The following FMN1 variants were observed in gnomAD, a reference collection of about 807,000 sequenced individuals.
FMN1 encodes formin-1.
FMN1 carries 110 observed loss-of-function variants against 132.4 expected under a neutral mutation model. The ratio of observed to expected loss-of-function variants is 0.83; its 90% CI spans 0.71 to 0.97. The LOEUF (loss-of-function observed/expected upper bound fraction) is 0.97, where lower values mean the gene tolerates loss of function less well. Ranked by LOEUF, FMN1 falls within the 50% of genes least tolerant of loss-of-function variation. The pLI is 0.00. For missense variants in FMN1, 1,792 were observed against 1,705.3 expected, an observed-to-expected ratio of 1.05 and a Z score of -0.90; for synonymous variants, 722 against 651.7, an observed-to-expected ratio of 1.11 and a Z score of -1.64.
At chr15:33,019,233 C>T (rs891885871) in intron 6 of FMN1, among the ~76,000 whole-genome samples, 7 of 152,162 alleles carry the variant, frequency 4.6e-5, no homozygotes, top group Non-Finnish European at 1.0e-4. Flanking sequence ...TCTCCACCTC[C>T]CCACTAGATT....
At chr15:33,112,430 AG>A (rs1161544273) in intron 4 of FMN1, among the ~76,000 whole-genome samples, 5 of 152,172 alleles carry the variant, frequency 3.3e-5, no homozygotes, top group South Asian at 4.1e-4. Context: ...CTTTTAATTA[AG>A]AAAAGAGGAA....
intron 5 of FMN1, among the ~76,000 whole-genome samples, chr15:33,082,852 G>C (rs1362841781): frequency 4.0e-5 from 6 of 148,328 alleles, no homozygotes; most frequent in East Asian, 3.9e-4. Context: ...TAAAATATAG[G>C]ATACCCAGTT....
chr15:32,833,386 C>A (rs955482072), intron 17 of FMN1, among the ~76,000 whole-genome samples: 1 of 152,080 alleles, frequency 6.6e-6, no homozygotes, highest in Non-Finnish European at 1.5e-5. Flanking sequence ...GGGGTGTATC[C>A]TCTACTGATA....
In FMN1 at chr15:32,943,996, T is replaced by C. The variant is rs78268043; in HGVS notation, c.3139-17735A>G. 8.1e-3 allele frequency among the ~76,000 whole-genome samples: 1,237 copies of C among 152,224 alleles called. 14 individuals are homozygous for C. The highest frequency in any genetic ancestry group is 0.028 in the African/African-American group (1,177 of 41,532). On this transcript the variant is annotated intron_variant, in intron 9 of 20. Coordinates refer to ENST00000616417, the MANE Select transcript of FMN1 (RefSeq NM_001277313.2). ...TGGGGGAACCAACTGGCAGAATCCT[T>C]TTATAGCTGTGGCTATTCTAGTCCC...
At chr15:33,060,570 G>T (rs1422361172) in intron 6 of FMN1, among the ~76,000 whole-genome samples, 1 of 152,138 alleles carries the variant, frequency 6.6e-6, no homozygotes, top group South Asian at 2.1e-4. Context: ...CTGCTGGAGA[G>T]GCCACATGTC....
chr15:32,979,287 G>A (rs539992334), intron 7 of FMN1, among the ~76,000 whole-genome samples: 1 of 152,126 alleles, frequency 6.6e-6, no homozygotes. Flanking sequence ...CCGGCATGGT[G>A]GTTCACACCT....
chr15:32,922,895 C>A (rs916443549), intron 10 of FMN1, among the ~76,000 whole-genome samples: 1 of 152,018 alleles, frequency 6.6e-6, no homozygotes, highest in Non-Finnish European at 1.5e-5. Flanking sequence ...ATGCATATGC[C>A]GAAACAGAGT....
intron 17 of FMN1, among the ~76,000 whole-genome samples, chr15:32,834,540 T>C (rs986955209): frequency 1.3e-5 from 2 of 152,222 alleles, no homozygotes; most frequent in Non-Finnish European, 2.9e-5. Flanking sequence ...AGACTATTAA[T>C]AGTTCCTCCA....
chr15:32,984,908 G>A (rs773602171), intron 7 of FMN1, among the ~76,000 whole-genome samples: 5 of 143,426 alleles, frequency 3.5e-5, no homozygotes, highest in South Asian at 2.2e-4. Flanking sequence ...TTATTGATAC[G>A]TAGGTCTTCT....
At chr15:32,872,501 A>G (rs1238231927) in intron 16 of FMN1, among the ~76,000 whole-genome samples, 1 of 152,236 alleles carries the variant, frequency 6.6e-6, no homozygotes, top group African/African-American at 2.4e-5. Flanking sequence ...TTAAATACTA[A>G]ATATGTCCTC....
intron 11 of FMN1, among the ~76,000 whole-genome samples, chr15:32,909,394 C>T (rs915798844): frequency 1.1e-4 from 16 of 152,178 alleles, no homozygotes; most frequent in African/African-American, 3.9e-4. Context: ...TGTGTACTTT[C>T]TGGTTTATTA....
chr15:32,811,201 C>G (rs142062070), intron 17 of FMN1: 3 of 409,496 alleles, frequency 7.3e-6, no homozygotes. Flanking sequence ...TTCTGGTATG[C>G]TTGCCCATGG....
At chr15:32,885,417 G>A (rs16960572) in intron 16 of FMN1, among the ~76,000 whole-genome samples, 3,953 of 152,250 alleles carry the variant, frequency 0.026, 62 homozygotes, top group Middle Eastern at 0.048. Context: ...GGTCACAGGC[G>A]TGATATGTAT....
At position 32,957,684 on chromosome 15, in the gene FMN1, C is replaced by T. The variant is rs577880168; in HGVS notation, c.3138+6423G>A. Among the ~76,000 whole-genome samples the T allele has an allele frequency of 5.9e-5, 9 of 152,238 alleles. No homozygotes were observed. In the South Asian group the frequency reaches 1.9e-3, roughly 32 times the overall value. ...TAAGAATTTCTTTCCAAAGCTTTCACATTAGTTCATAAACTAAGAGATTAA... is the reference window on the plus strand; with the variant it reads ...TAAGAATTTCTTTCCAAAGCTTTCATATTAGTTCATAAACTAAGAGATTAA... On this transcript the variant is annotated intron_variant, in intron 9 of 20. Transcript: ENST00000616417.
At chr15:32,838,267 C>T (rs762145394) in intron 17 of FMN1, among the ~76,000 whole-genome samples, 8 of 151,322 alleles carry the variant, frequency 5.3e-5, no homozygotes, top group Admixed American at 2.6e-4. Flanking sequence ...AAATTAAAAG[C>T]GGAAGGGGAG....
chr15:32,869,289 C>T (rs542755816), intron 16 of FMN1, among the ~76,000 whole-genome samples: 3 of 152,192 alleles, frequency 2.0e-5, no homozygotes, highest in African/African-American at 4.8e-5. Context: ...TCCCAGGTTA[C>T]ACACTCAGGT....
intron 4 of FMN1, among the ~76,000 whole-genome samples, chr15:33,126,053 G>C (rs1295749722): frequency 6.6e-6 from 1 of 152,150 alleles, no homozygotes; most frequent in African/African-American, 2.4e-5. Flanking sequence ...GTGAAAAACA[G>C]ATAAGGTGGA....
chr15:32,906,821 G>A (rs564790484), intron 12 of FMN1, among the ~76,000 whole-genome samples: 10 of 152,176 alleles, frequency 6.6e-5, no homozygotes, highest in Non-Finnish European at 1.5e-4. Flanking sequence ...AGACAGCAAG[G>A]GAACCTCACT....
At chr15:32,918,272 C>T (rs141385491) in intron 10 of FMN1, among the ~76,000 whole-genome samples, 91 of 151,690 alleles carry the variant, frequency 6.0e-4, no homozygotes, top group Middle Eastern at 3.4e-3. Flanking sequence ...ACACAGCACA[C>T]GAAGAAACAC....
Sources: gnomAD v4.1 joint callset for allele counts (sites outside exome capture counted in the v4.1 genomes callset) on GRCh38, gnomAD v4.1.1 for gene constraint, MANE v1.5 for transcripts, NCBI Gene and HGNC (gene_info 2026-07-23, HGNC 2026-07-21) for gene names.